NCOR2: variants seen among roughly 807,000 people sequenced by gnomAD.
NCOR2 encodes the protein CTG repeat protein 26.
In NCOR2, 81 loss-of-function variants were observed where a neutral mutation model predicts 262.9. The observed-to-expected ratio is 0.31, with a 90% CI of 0.26 to 0.37. The LOEUF (loss-of-function observed/expected upper bound fraction) is 0.37. Among genes scored for constraint, NCOR2 ranks in the 10% least tolerant of loss-of-function variants. NCOR2 has a pLI of 1.00. For missense variants in NCOR2, 3,385 were observed against 3,621.4 expected, an observed-to-expected ratio of 0.93 and a Z score of 1.68; for synonymous variants, 1,659 against 1,559.3, an observed-to-expected ratio of 1.06 and a Z score of -1.51.
rs948008252 is a variant in NCOR2, at chr12:124,389,580, C to A, written c.1877-3693G>T. Among the ~76,000 whole-genome samples the A allele has an allele frequency of 1.3e-5, 2 of 152,208 alleles. No homozygotes were observed. Among genetic ancestry groups the A allele is most frequent in the African/African-American group, 4.8e-5 (2 of 41,454 alleles). On this transcript the variant is annotated intron_variant, in intron 16 of 46. Transcript: ENST00000405201. The surrounding 1 kb of genome is among the most constrained non-coding windows in gnomAD (Gnocchi z 4.4). ...CCCCGCCGCCCGTCCCCCCACCCTCCGTGTCAGTTCCACCTGAGCTCTGCC... is the reference window on the plus strand; with the variant it reads ...CCCCGCCGCCCGTCCCCCCACCCTCAGTGTCAGTTCCACCTGAGCTCTGCC...
At chr12:124,342,783 A>C (rs1291313666) in intron 33 of NCOR2, among the ~76,000 whole-genome samples, 3 of 152,216 alleles carry the variant, frequency 2.0e-5, no homozygotes, top group African/African-American at 7.2e-5. Flanking sequence ...AAAGAAAACC[A>C]CTGAAATGTT....
At chr12:124,394,490 T>C (rs2041528451) in intron 16 of NCOR2, among the ~76,000 whole-genome samples, 1 of 152,222 alleles carries the variant, frequency 6.6e-6, no homozygotes, top group Admixed American at 6.5e-5. Flanking sequence ...GAATGTGACC[T>C]TATTTGGAAA....
chr12:124,333,886 ATGTG>A (rs771184483), intron 41 of NCOR2, among the ~76,000 whole-genome samples: 52 of 120,802 alleles, frequency 4.3e-4, no homozygotes, highest in South Asian at 7.8e-4. Context: ...GCGGGTGTGC[ATGTG>A]TGTGTGCGCG....
intron 16 of NCOR2, among the ~76,000 whole-genome samples, chr12:124,390,477 G>GCCCC (rs1593336559): frequency 1.1e-4 from 14 of 129,204 alleles, no homozygotes; most frequent in African/African-American, 4.7e-4. Context: ...CCTCCAAAGT[G>GCCCC]ACCCCCCCCC....
chr12:124,367,740 C>T (rs576946836), intron 20 of NCOR2, among the ~76,000 whole-genome samples: 1 of 152,350 alleles, frequency 6.6e-6, no homozygotes, highest in East Asian at 1.9e-4. Flanking sequence ...TCAAGTGATC[C>T]TCCTGCCTCA....
In NCOR2 at chr12:124,483,502, C is replaced by G. The variant is rs1474205398; in HGVS notation, c.411+94G>C. 5.9e-6 allele frequency: 8 copies of G among 1,345,348 alleles called. No homozygotes were observed. The highest frequency in any genetic ancestry group is 7.9e-6 in the Non-Finnish European group (8 of 1,017,536). The allele number at this position is 1,345,348 out of a possible 1,614,324, so 83.3% of individuals were successfully genotyped here. A position where few individuals can be genotyped will look rare whatever the true frequency, so the allele number is the denominator to read the frequency against. ...TCCAAGCCTTTGCCCGAGCTGCCCC[C>G]TCCCTGCACCCCTACCCACCACCTC... On this transcript the variant is annotated intron_variant, in intron 3 of 46. Transcript: ENST00000405201. This position sits in a 1 kb window ranked among gnomAD's most constrained non-coding sequence, Gnocchi z 6.3.
chr12:124,363,572 G>A, intron 21 of NCOR2, 107 bp downstream of exon 23: 1 of 1,053,238 alleles, frequency 9.5e-7, no homozygotes, highest in Non-Finnish European at 1.3e-6. Context: ...AGAAGCGGAT[G>A]AGCTAGGCTG....
chr12:124,521,363 T>C (rs906056924), intron 1 of NCOR2, among the ~76,000 whole-genome samples: 32 of 152,340 alleles, frequency 2.1e-4, no homozygotes, highest in African/African-American at 6.7e-4. Flanking sequence ...CAGCCTCAGT[T>C]TCCTCATCTG....
intron 8 of NCOR2, among the ~76,000 whole-genome samples, chr12:124,435,622 C>T (rs1218949326): frequency 6.6e-6 from 1 of 152,224 alleles, no homozygotes; most frequent in African/African-American, 2.4e-5. Flanking sequence ...GCCAGGACCT[C>T]CTGCCCCAGC....
intron 5 of NCOR2, among the ~76,000 whole-genome samples, chr12:124,462,245 C>T (rs1190259255): frequency 1.3e-5 from 2 of 152,216 alleles, no homozygotes; most frequent in African/African-American, 4.8e-5. Flanking sequence ...TGACACTCAT[C>T]ACTCCCTAGC....
At chr12:124,328,425 C>T (rs1239386421) in intron 44 of NCOR2, 1 of 152,758 alleles carries the variant, frequency 6.5e-6, no homozygotes, top group Non-Finnish European at 1.5e-5. Context: ...TGCCCAGTCC[C>T]AAGGACAAAG....
chr12:124,334,839 T>C (rs1354295347), intron 40 of NCOR2: 1 of 601,310 alleles, frequency 1.7e-6, no homozygotes, highest in Non-Finnish European at 2.9e-6. Context: ...AGATGGCTGA[T>C]GAGACCAGCC....
intron 22 of NCOR2, 122 bp from the exon 25 acceptor site, chr12:124,356,904 C>A (rs960633498): frequency 5.5e-6 from 7 of 1,267,660 alleles, no homozygotes; most frequent in Non-Finnish European, 7.2e-6. Flanking sequence ...CTGTGACGGC[C>A]TGGGCTCCTC....
Position 124,483,125 on chromosome 12 carries a change from C to T in NCOR2, c.411+471G>A, listed in dbSNP as rs2047587743. ...GCTGCCTGCTGTGCAGGGCTCGAGG[C>T]AGGGGTCACTGAGCCCCCTGTTCCA... On this transcript the variant is annotated intron_variant, in intron 3 of 46. Transcript: ENST00000405201. This position sits in a 1 kb window ranked among gnomAD's most constrained non-coding sequence, Gnocchi z 6.3. Among the ~76,000 whole-genome samples, 1 of 152,086 alleles carries T rather than the reference C, an allele frequency of 6.6e-6. No homozygotes were observed. The highest frequency in any genetic ancestry group is 1.5e-5 in the Non-Finnish European group (1 of 67,986).
Position 124,548,692 on chromosome 12 carries a change from G to T in NCOR2, c.-164-13081C>A, listed in dbSNP as rs2051615196. 6.6e-6 allele frequency among the ~76,000 whole-genome samples: 1 copy of T among 151,894 alleles called. No individual in the cohort carries two copies. Among genetic ancestry groups the T allele is most frequent in the South Asian group, 2.1e-4 (1 of 4,808 alleles). On this transcript the variant is annotated intron_variant, in intron 1 of 32. Coordinates refer to the NCOR2 transcript ENST00000458234. This position sits in a 1 kb window ranked among gnomAD's most constrained non-coding sequence, Gnocchi z 5.1. ...CGGGGCGGGGGATCTCCATGGCAGGGTCCCCACCCCAGGGATGTTTTTGGC... is the reference window on the plus strand; with the variant it reads ...CGGGGCGGGGGATCTCCATGGCAGGTTCCCCACCCCAGGGATGTTTTTGGC...
chr12:124,347,684 G>T lies in NCOR2; in HGVS notation c.4072+141C>A, dbSNP rs2037052567. ...ACCCTTGCTCCGTAGCTCACGTACT[G>T]ATCATGTACATGTGTGCTGCAGGCC... On this transcript the variant is annotated intron_variant, in intron 30 of 46. Transcript: ENST00000405201. The T allele has an allele frequency of 8.9e-6, 7 of 788,962 alleles. No homozygotes were observed. In the Admixed American group the frequency reaches 1.5e-4, roughly 16 times the overall value. 48.9% of individuals were successfully genotyped at this position (788,962 alleles called of 1,614,324 possible).
At position 124,517,838 on chromosome 12, in the gene NCOR2, G is replaced by A. The variant is rs116577539; in HGVS notation, c.-118+17727C>T. On this transcript the variant is annotated intron_variant, in intron 1 of 46. Coordinates refer to the NCOR2 transcript ENST00000404621. This position sits in a 1 kb window ranked among gnomAD's most constrained non-coding sequence, Gnocchi z 7.6. ...CGTGACTGCAGCAACTTCGTCCGAT[G>A]AGACAGCCCTGCCCACCATCCCGCT... Among the ~76,000 whole-genome samples the A allele has an allele frequency of 0.049, 7,479 of 152,284 alleles. 528 individuals carry two copies. The highest frequency in any genetic ancestry group is 0.16 in the African/African-American group (6,445 of 41,524).
intron 1 of NCOR2, among the ~76,000 whole-genome samples, chr12:124,502,541 G>A (rs1000048981): frequency 3.3e-5 from 5 of 152,166 alleles, no homozygotes; most frequent in African/African-American, 1.2e-4. Flanking sequence ...CTACACAGCA[G>A]GCACAGCAGG....
chr12:124,327,366 G>T, intron 45 of NCOR2, 43 bp downstream of exon 47: 1 of 1,454,766 alleles, frequency 6.9e-7, no homozygotes, highest in East Asian at 2.4e-5. Context: ...AATCACACCG[G>T]GGGTGGGGAC....
Sources: gnomAD v4.1 joint callset for allele counts (sites outside exome capture counted in the v4.1 genomes callset) on GRCh38, gnomAD v4.1.1 for gene constraint, Gnocchi (gnomAD v3.1) non-coding constraint, MANE v1.5 for transcripts, NCBI Gene and HGNC (gene_info 2026-07-23, HGNC 2026-07-21) for gene names.